The following PRR16 variants were observed in gnomAD, a reference collection of about 807,000 sequenced individuals.
PRR16 encodes proline rich 16, also known as protein Largen.
In PRR16, 6 loss-of-function variants were observed where a neutral mutation model predicts 18.2. That is an observed-to-expected ratio of 0.33 (90% CI 0.18 to 0.65). The LOEUF (loss-of-function observed/expected upper bound fraction) is 0.65, where lower values mean the gene tolerates loss of function less well. Ranked by LOEUF, PRR16 falls within the 30% of genes least tolerant of loss-of-function variation. The pLI, the probability that PRR16 is intolerant of heterozygous loss-of-function variation, is 0.74. For synonymous variants in PRR16, 151 were observed against 147.8 expected, an observed-to-expected ratio of 1.02 and a Z score of -0.16; for missense variants, 412 against 376.6, an observed-to-expected ratio of 1.09 and a Z score of -0.78.
At chr5:120,777,018 A>G in the PRR16 span, among the ~76,000 whole-genome samples, 1 of 151,988 alleles carries the variant, frequency 6.6e-6, no homozygotes, top group African/African-American at 2.4e-5. Context: ...AGGCTGGAGG[A>G]AATTTGGTGT....
chr5:120,715,790 C>T, the PRR16 span, among the ~76,000 whole-genome samples: 1 of 152,066 alleles, frequency 6.6e-6, no homozygotes, highest in Admixed American at 6.6e-5. Flanking sequence ...GTTCTCCTTC[C>T]CAACATCATC....
intron 1 of PRR16, among the ~76,000 whole-genome samples, chr5:120,498,862 C>T (rs1331162295): frequency 6.6e-6 from 1 of 151,888 alleles, no homozygotes; most frequent in African/African-American, 2.4e-5. Context: ...TTCTTGTCTC[C>T]ATGGTTTCTA....
intron 1 of PRR16, among the ~76,000 whole-genome samples, chr5:120,493,013 A>C (rs1050879387): frequency 2.0e-5 from 3 of 152,218 alleles, no homozygotes; most frequent in African/African-American, 7.2e-5. Flanking sequence ...TTGTGCTGCT[A>C]TAAATGTGTG....
chr5:120,593,127 AC>A (rs1189138013), intron 1 of PRR16, among the ~76,000 whole-genome samples: 1 of 152,068 alleles, frequency 6.6e-6, no homozygotes, highest in African/African-American at 2.4e-5. Flanking sequence ...GAGCAAAGAA[AC>A]CCCAAAGCTA....
At chr5:120,769,566 A>C in the PRR16 span, among the ~76,000 whole-genome samples, 1 of 151,748 alleles carries the variant, frequency 6.6e-6, no homozygotes, top group South Asian at 2.1e-4. Context: ...GTCAAGTAAT[A>C]TTTCATTCTA....
chr5:120,647,873 G>C (rs964011673), intron 1 of PRR16, among the ~76,000 whole-genome samples: 2 of 152,022 alleles, frequency 1.3e-5, no homozygotes, highest in Non-Finnish European at 1.5e-5. Flanking sequence ...TTTGTTTGGA[G>C]GGAAGAGGTA....
At chr5:120,738,400 A>T in the PRR16 span, among the ~76,000 whole-genome samples, 2 of 151,998 alleles carry the variant, frequency 1.3e-5, no homozygotes, top group South Asian at 2.1e-4. Flanking sequence ...ATGAAAAAAA[A>T]ATTTTTTATT....
At chr5:120,704,275 G>A in the PRR16 span, among the ~76,000 whole-genome samples, 1 of 152,160 alleles carries the variant, frequency 6.6e-6, no homozygotes, top group African/African-American at 2.4e-5. Flanking sequence ...CTTGGAAATG[G>A]GCAGCGATGG....
At chr5:120,521,676 CT>C (rs200382228) in intron 1 of PRR16, among the ~76,000 whole-genome samples, 2,320 of 151,750 alleles carry the variant, frequency 0.015, 23 homozygotes, top group Middle Eastern at 0.13. Flanking sequence ...TTCTTCTTTT[CT>C]TTTTTTTATT....
At chr5:120,723,830 T>C in the PRR16 span, among the ~76,000 whole-genome samples, 1 of 152,022 alleles carries the variant, frequency 6.6e-6, no homozygotes, top group Non-Finnish European at 1.5e-5. Context: ...TTTGTAAATA[T>C]TCAAAATACT....
chr5:120,754,552 AT>A, the PRR16 span, among the ~76,000 whole-genome samples: 1 of 74,342 alleles, frequency 1.3e-5, no homozygotes, highest in Non-Finnish European at 2.3e-5. Flanking sequence ...ATTATATATA[AT>A]ATATATTATA....
At position 120,685,978 on chromosome 5, in the gene PRR16, AC is replaced by A. The variant is rs1275441118; in HGVS notation, c.186del (p.Ser63LeufsTer9). 1.2e-6 allele frequency: 2 copies of A among 1,613,866 alleles called. No homozygotes were observed. Among genetic ancestry groups the A allele is most frequent in the Non-Finnish European group, 1.7e-6 (2 of 1,179,858 alleles). On this transcript the variant is annotated frameshift_variant, in exon 2 of 2. Transcript: ENST00000407149. LOFTEE classifies it high-confidence loss of function. The stretch of plus-strand genomic sequence containing the variant: ...GGTGGTTGACCAGATTGACACCCTG[AC>A]CTCTGACCTACAGCTGGAGGATGAG... ...KEVVDQIDTLTSDLQLEDEMT... is the reference protein window; with the variant it reads ...KEVVDQIDTLXSDLQLEDEMT...
chr5:120,682,686 T>G (rs1757008094), intron 1 of PRR16, among the ~76,000 whole-genome samples: 1 of 152,226 alleles, frequency 6.6e-6, no homozygotes, highest in Non-Finnish European at 1.5e-5. Context: ...TCACATTCTT[T>G]AGATAGCCTT....
the PRR16 span, chr5:120,781,510 A>G: frequency 6.6e-6 from 1 of 152,184 alleles, no homozygotes; most frequent in Admixed American, 6.5e-5. Flanking sequence ...TTCAGAGGTA[A>G]GTGCTCCTTT....
chr5:120,472,132 A>T (rs993323823), intron 1 of PRR16, among the ~76,000 whole-genome samples: 24 of 152,124 alleles, frequency 1.6e-4, no homozygotes, highest in African/African-American at 5.8e-4. Flanking sequence ...AAGTTAGGCA[A>T]ATTACATACT....
intron 1 of PRR16, among the ~76,000 whole-genome samples, chr5:120,539,097 T>C (rs924668747): frequency 5.3e-5 from 8 of 152,114 alleles, no homozygotes; most frequent in African/African-American, 1.9e-4. Flanking sequence ...TTTTGTGAAA[T>C]TTCTGACAGG....
chr5:120,498,932 C>G (rs527237267), intron 1 of PRR16, among the ~76,000 whole-genome samples: 2 of 151,502 alleles, frequency 1.3e-5, no homozygotes, highest in African/African-American at 4.9e-5. Flanking sequence ...TGTTATTTTT[C>G]TCTTACTACT....
At chr5:120,597,550 A>G (rs1753853766) in intron 1 of PRR16, among the ~76,000 whole-genome samples, 1 of 151,792 alleles carries the variant, frequency 6.6e-6, no homozygotes, top group Non-Finnish European at 1.5e-5. Context: ...TATTTATAGC[A>G]TATTCTCAAA....
the PRR16 span, among the ~76,000 whole-genome samples, chr5:120,692,941 T>C: frequency 6.6e-6 from 1 of 152,192 alleles, no homozygotes; most frequent in South Asian, 2.1e-4. Context: ...TACTAAATTT[T>C]CAGTTGTCAA....
Sources: gnomAD v4.1 joint callset for allele counts (sites outside exome capture counted in the v4.1 genomes callset) on GRCh38, gnomAD v4.1.1 for gene constraint, MANE v1.5 for transcripts, NCBI Gene and HGNC (gene_info 2026-07-23, HGNC 2026-07-21) for gene names.